The following TRAPPC8 variants were observed in gnomAD, a reference collection of about 807,000 sequenced individuals.
TRAPPC8 encodes general sporulation gene 1 homolog.
In TRAPPC8, 54 loss-of-function variants were observed where a neutral mutation model predicts 174.3. That is an observed-to-expected ratio of 0.31 (90% CI 0.25 to 0.39). The LOEUF (loss-of-function observed/expected upper bound fraction) is 0.39, where lower values mean the gene tolerates loss of function less well. Among genes scored for constraint, TRAPPC8 ranks in the 10% least tolerant of loss-of-function variants. The pLI, the probability that TRAPPC8 is intolerant of heterozygous loss-of-function variation, is 1.00. For synonymous variants in TRAPPC8, 630 were observed against 579.9 expected (o/e 1.09, Z -1.24); for missense variants, 1,531 against 1,699.1 (o/e 0.90, Z 1.74).
chr18:31,941,911 A>G (rs558592273), intron 1 of TRAPPC8, among the ~76,000 whole-genome samples: 1 of 152,350 alleles, frequency 6.6e-6, no homozygotes, highest in Admixed American at 6.5e-5. Context: ...CAAGACATTC[A>G]TTAACAAGAG....
At chr18:31,880,070 C>A (rs369234964) in intron 12 of TRAPPC8, among the ~76,000 whole-genome samples, 1 of 100,896 alleles carries the variant, frequency 9.9e-6, no homozygotes, top group Non-Finnish European at 1.8e-5. Context: ...ACCAATTTTA[C>A]TGAAACTATT....
At position 31,873,529 on chromosome 18, in the gene TRAPPC8, G is replaced by T. The variant is rs1275715004; in HGVS notation, c.1963C>A (p.Gln655Lys). The stretch of plus-strand genomic sequence containing the variant: ...GGCAAAGGACCATCTGGTGACAGCT[G>T]ACTTACATTCTGAGAGAAATATAAA... ...EYLYVYKNVSQLSPDGPLPQL... is the reference protein window; with the variant it reads ...EYLYVYKNVSKLSPDGPLPQL... Residue 655 changes from glutamine (Q) to lysine (K), a missense_variant, in exon 14 of 29, where the codon CAG becomes AAG. Physicochemically the swap from Gln to Lys is moderately conservative, Grantham distance 53 (BLOSUM62 1). Coordinates refer to ENST00000283351, the MANE Select transcript of TRAPPC8 (RefSeq NM_014939.5). The T allele has an allele frequency of 6.2e-7, 1 of 1,610,080 alleles. No homozygotes were observed. The highest frequency in any genetic ancestry group is 8.5e-7 in the Non-Finnish European group (1 of 1,178,308).
Position 31,942,594 on chromosome 18 carries a change from A to G in TRAPPC8, c.157+14T>C. On this transcript the variant is annotated intron_variant, in intron 1 of 28. Coordinates refer to ENST00000283351, the MANE Select transcript of TRAPPC8 (RefSeq NM_014939.5). ...TTTGCGGGAGCCCACTGGAAAAGGGAGGATACCACATACCCTCGGAAGTGA... is the reference window on the plus strand; with the variant it reads ...TTTGCGGGAGCCCACTGGAAAAGGGGGGATACCACATACCCTCGGAAGTGA... 1 of 1,566,598 alleles carries G rather than the reference A, an allele frequency of 6.4e-7. No homozygotes were observed. The highest frequency in any genetic ancestry group is 8.7e-7 in the Non-Finnish European group (1 of 1,154,920).
chr18:31,904,683 A>C lies in TRAPPC8; in HGVS notation c.1389+2777T>G, dbSNP rs557479167. 3.8e-4 allele frequency among the ~76,000 whole-genome samples: 58 copies of C among 152,268 alleles called. 1 individual carries two copies. Among genetic ancestry groups the C allele is most frequent in the East Asian group, 7.7e-4 (4 of 5,188 alleles). On this transcript the variant is annotated intron_variant, in intron 9 of 28. Coordinates refer to ENST00000283351, the MANE Select transcript of TRAPPC8 (RefSeq NM_014939.5). ...GTATCTGCTCTAAAATTCACTGAAG[A>C]AGCTAAATAAAATACATAATATCCA...
At chr18:31,866,017 T>A (rs989185816) in intron 18 of TRAPPC8, among the ~76,000 whole-genome samples, 12 of 151,996 alleles carry the variant, frequency 7.9e-5, no homozygotes, top group African/African-American at 2.9e-4. Context: ...CCAGGGCAAG[T>A]ATATTTAATT....
intron 2 of TRAPPC8, among the ~76,000 whole-genome samples, 199 bp downstream of exon 2, chr18:31,931,130 G>A (rs2037827354): frequency 6.6e-6 from 1 of 152,042 alleles, no homozygotes; most frequent in Admixed American, 6.6e-5. Context: ...TATTTATTAT[G>A]CATATGTTCT....
intron 27 of TRAPPC8, among the ~76,000 whole-genome samples, chr18:31,837,834 G>C (rs1478427831): frequency 6.6e-6 from 1 of 152,016 alleles, no homozygotes; most frequent in Non-Finnish European, 1.5e-5. Context: ...ACAGGTTCCT[G>C]CAATGGCTGA....
In TRAPPC8 at chr18:31,890,871, TGAATGTTTAAAAGA is replaced by T. The variant is rs1196767272; in HGVS notation, c.1597-19_1597-6del. On this transcript the variant is annotated splice_polypyrimidine_tract_variant and splice_region_variant and intron_variant, in intron 11 of 28. Coordinates refer to ENST00000283351, the MANE Select transcript of TRAPPC8 (RefSeq NM_014939.5). Reference sequence around the variant, plus strand: ...TGCACTTCGAAGATCAGAATCCTAGTGAATGTTTAAAAGAGAAAAAGGTTAGTTTCACCAAGTTA... The same window carrying T: ...TGCACTTCGAAGATCAGAATCCTAGTGAAAAAGGTTAGTTTCACCAAGTTA... 3 of 1,599,410 alleles carry T rather than the reference TGAATGTTTAAAAGA, an allele frequency of 1.9e-6. No individual in the cohort carries two copies. The African/African-American group carries it at 4.0e-5, about 22-fold the overall frequency.
chr18:31,875,411 A>AGCCTGCCT (rs140528791), intron 12 of TRAPPC8, among the ~76,000 whole-genome samples: 28 of 151,502 alleles, frequency 1.8e-4, no homozygotes, highest in Middle Eastern at 3.5e-3. Context: ...TGCTGATCCC[A>AGCCTGCCT]GCCTGCCTGC....
At chr18:31,872,502 C>T (rs528960057) in intron 14 of TRAPPC8, among the ~76,000 whole-genome samples, 1 of 152,224 alleles carries the variant, frequency 6.6e-6, no homozygotes, top group South Asian at 2.1e-4. Context: ...CTACTGCAAC[C>T]TCCGCCTCCT....
intron 5 of TRAPPC8, among the ~76,000 whole-genome samples, chr18:31,912,363 C>T (rs528528298): frequency 1.6e-4 from 24 of 152,076 alleles, no homozygotes; most frequent in East Asian, 1.9e-4. Flanking sequence ...TGGTGGTGTG[C>T]GCCTGTAGTC....
intron 22 of TRAPPC8, among the ~76,000 whole-genome samples, chr18:31,853,622 A>G (rs1217038580): frequency 6.6e-6 from 1 of 152,172 alleles, no homozygotes; most frequent in Non-Finnish European, 1.5e-5. Flanking sequence ...TACAATAAAA[A>G]ACAAAAAGAA....
At chr18:31,855,631 A>C in intron 21 of TRAPPC8, 29 bp downstream of exon 21, 1 of 1,572,980 alleles carries the variant, frequency 6.4e-7, no homozygotes, top group Non-Finnish European at 8.6e-7. Flanking sequence ...ATATAATTAA[A>C]AACAAAATTC....
Position 31,870,919 on chromosome 18 carries a change from A to G in TRAPPC8, c.2257+7T>C, listed in dbSNP as rs774553040. ...AAAAAACAGAAATAAAAATTCAAGT[A>G]TATCACCTTCTACAACTGCAAGTGG... On this transcript the variant is annotated splice_region_variant and intron_variant, in intron 15 of 28. Transcript: ENST00000283351. 37 of 1,538,688 alleles carry G rather than the reference A, an allele frequency of 2.4e-5. No homozygotes were observed. The highest frequency in any genetic ancestry group is 7.0e-5 in the East Asian group (3 of 43,150).
At chr18:31,879,367 T>C (rs944721631) in intron 12 of TRAPPC8, among the ~76,000 whole-genome samples, 1 of 152,136 alleles carries the variant, frequency 6.6e-6, no homozygotes, top group Admixed American at 6.6e-5. Flanking sequence ...CAACTTGGTA[T>C]TGAATGACTT....
At chr18:31,913,544 A>T (rs763627028) in intron 4 of TRAPPC8, 22 bp from the exon 5 acceptor site, 11 of 1,547,984 alleles carry the variant, frequency 7.1e-6, no homozygotes, top group Non-Finnish European at 8.7e-6. Context: ...AATGGAAAAA[A>T]ATCTGAAGTA....
chr18:31,896,190 G>C (rs1316194161), intron 11 of TRAPPC8: 1 of 152,068 alleles, frequency 6.6e-6, no homozygotes, highest in Admixed American at 6.6e-5. Context: ...TACACAACTG[G>C]TATCATGACT....
rs538610736 is a variant in TRAPPC8, at chr18:31,917,681, T to C, written c.353-14A>G. 6.2e-7 allele frequency: 1 copy of C among 1,601,304 alleles called. No homozygotes were observed. The highest frequency in any genetic ancestry group is 1.3e-5 in the African/African-American group (1 of 74,514). ...ATGGAGTAGTGGCTAAAATTAACAA[T>C]ATACAAAACAGTTAAAAGTATTCAA... On this transcript the variant is annotated splice_polypyrimidine_tract_variant and intron_variant, in intron 2 of 28. Transcript: ENST00000283351.
At chr18:31,848,987 G>GA (rs961641919) in intron 25 of TRAPPC8, among the ~76,000 whole-genome samples, 60 of 151,708 alleles carry the variant, frequency 4.0e-4, no homozygotes, top group African/African-American at 1.3e-3. Context: ...AAATAATCTG[G>GA]AAAAAACTGA....
Sources: gnomAD v4.1 joint callset for allele counts (sites outside exome capture counted in the v4.1 genomes callset) on GRCh38, gnomAD v4.1.1 for gene constraint, MANE v1.5 for transcripts, NCBI Gene and HGNC (gene_info 2026-07-23, HGNC 2026-07-21) for gene names.